CSE1L: variants seen among roughly 807,000 people sequenced by gnomAD.
CSE1L encodes chromosome segregation 1 like.
In CSE1L, 24 loss-of-function variants were observed where a neutral mutation model predicts 120.4. The observed-to-expected ratio is 0.20, with a 90% CI of 0.14 to 0.28. The LOEUF (loss-of-function observed/expected upper bound fraction) is 0.28, where lower values mean the gene tolerates loss of function less well. Among genes scored for constraint, CSE1L ranks in the 10% least tolerant of loss-of-function variants. The pLI is 1.00. For missense variants in CSE1L, 830 were observed against 1,145.2 expected (o/e 0.72, Z 3.97); for synonymous variants, 402 against 398.3 (o/e 1.01, Z -0.11).
chr20:49,047,552 C>CTTTTTTTT (rs1230411564), intron 1 of CSE1L, among the ~76,000 whole-genome samples: 4 of 89,802 alleles, frequency 4.5e-5, no homozygotes, highest in African/African-American at 1.9e-4. Context: ...TTTTCTTTTT[C>CTTTTTTTT]TTTTCTCTTT....
chr20:49,056,825 A>G (rs1158573993), intron 1 of CSE1L, among the ~76,000 whole-genome samples: 1 of 151,414 alleles, frequency 6.6e-6, no homozygotes, highest in Non-Finnish European at 1.5e-5. Flanking sequence ...AAATCAAGCT[A>G]ATTAACATAT....
intron 1 of CSE1L, among the ~76,000 whole-genome samples, chr20:49,047,559 CTTTTCTTTTTTT>C (rs2091726527): frequency 3.3e-5 from 2 of 61,088 alleles, no homozygotes; most frequent in African/African-American, 1.3e-4. Context: ...TTTCTTTTCT[CTTTTCTTTTTTT>C]TTTTTTTTTT....
At chr20:49,090,151 G>A (rs946117560) in intron 19 of CSE1L, among the ~76,000 whole-genome samples, 5 of 151,728 alleles carry the variant, frequency 3.3e-5, no homozygotes, top group South Asian at 2.1e-4. Flanking sequence ...TAATAATAAC[G>A]GAAATAATTA....
intron 2 of CSE1L, among the ~76,000 whole-genome samples, chr20:49,061,901 A>G (rs1210131724): frequency 6.6e-6 from 1 of 152,162 alleles, no homozygotes; most frequent in East Asian, 1.9e-4. Flanking sequence ...GAAGTTAGGA[A>G]CATAGCATTT....
At chr20:49,074,650 T>C in intron 10 of CSE1L, 135 bp from the exon 11 acceptor site, 1 of 581,360 alleles carries the variant, frequency 1.7e-6, no homozygotes, top group Non-Finnish European at 3.0e-6. Flanking sequence ...ATTAAGAGTA[T>C]ATGAAGTAGT....
chr20:49,063,027 A>G (rs1477065547), intron 2 of CSE1L, among the ~76,000 whole-genome samples, 175 bp from the exon 3 acceptor site: 1 of 151,870 alleles, frequency 6.6e-6, no homozygotes, highest in African/African-American at 2.4e-5. Context: ...AGCATTATAT[A>G]AGTTTAATGT....
At position 49,050,706 on chromosome 20, in the gene CSE1L, C is replaced by T. The variant is rs547244923; in HGVS notation, c.-12+4283C>T. Among the ~76,000 whole-genome samples the T allele has an allele frequency of 5.3e-5, 8 of 151,944 alleles. No homozygotes were observed. The South Asian group carries it at 1.2e-3, about 24-fold the overall frequency. ...GATTACAGACGTAAGCCACCGCGCCCGGCCTGAGCCCAGCTAATTTTTAAA... is the reference window on the plus strand; with the variant it reads ...GATTACAGACGTAAGCCACCGCGCCTGGCCTGAGCCCAGCTAATTTTTAAA... On this transcript the variant is annotated intron_variant, in intron 1 of 24. Transcript: ENST00000262982.
At chr20:49,074,528 A>G (rs758020355) in intron 10 of CSE1L, among the ~76,000 whole-genome samples, 6 of 152,204 alleles carry the variant, frequency 3.9e-5, no homozygotes, top group Non-Finnish European at 5.9e-5. Flanking sequence ...AGTTGCAGGT[A>G]TAATCCAATT....
intron 24 of CSE1L, 141 bp from the exon 25 acceptor site, chr20:49,096,206 GTT>G (rs2092139254): frequency 1.4e-6 from 1 of 729,534 alleles, no homozygotes; most frequent in African/African-American, 1.7e-5. Context: ...AAGCAGTTGA[GTT>G]TCTGGAGAAT....
intron 22 of CSE1L, 59 bp downstream of exon 22, chr20:49,092,186 C>A: frequency 2.3e-6 from 2 of 883,536 alleles, no homozygotes; most frequent in South Asian, 1.6e-5. Flanking sequence ...TTTTTTAGTA[C>A]AAATCAGTAT....
At chr20:49,085,818 G>A (rs1234307806) in intron 16 of CSE1L, among the ~76,000 whole-genome samples, 2 of 151,856 alleles carry the variant, frequency 1.3e-5, no homozygotes, top group East Asian at 1.9e-4. Context: ...ATATCTGCCC[G>A]CCTCAGCCTC....
intron 3 of CSE1L, among the ~76,000 whole-genome samples, chr20:49,065,841 G>T (rs2091888413): frequency 1.3e-5 from 2 of 152,048 alleles, no homozygotes; most frequent in Admixed American, 1.3e-4. Context: ...TGATCCACCT[G>T]CCTTGGCCTC....
chr20:49,062,066 C>T (rs2091857486), intron 2 of CSE1L, among the ~76,000 whole-genome samples: 1 of 152,160 alleles, frequency 6.6e-6, no homozygotes, highest in African/African-American at 2.4e-5. Context: ...ATATTGATTA[C>T]AATTTAGGAA....
chr20:49,058,660 C>T lies in CSE1L; in HGVS notation c.85+112C>T, dbSNP rs55727893. On this transcript the variant is annotated intron_variant, in intron 2 of 24. Coordinates refer to ENST00000262982, the MANE Select transcript of CSE1L (RefSeq NM_001316.4). Reference sequence around the variant, plus strand: ...ATTTTAAAAAATTCATACTTGGGTTCTCAAGCGTAGTTTATAAGTGTTACA... The same window carrying T: ...ATTTTAAAAAATTCATACTTGGGTTTTCAAGCGTAGTTTATAAGTGTTACA... The T allele has an allele frequency of 1.0e-2, 7,578 of 757,948 alleles. 66 individuals carry two copies. Among genetic ancestry groups the T allele is most frequent in the Middle Eastern group, 0.013 (39 of 2,986 alleles). The allele number at this position is 757,948 out of a possible 1,614,324, so 47.0% of individuals were successfully genotyped here.
In CSE1L at chr20:49,063,360, A is replaced by C; in HGVS notation, c.228+16A>C. ...CTGGAGAATTGTAAGTATTTTGTGA[A>C]TACATAATTTAATACCCTGTATGTT... On this transcript the variant is annotated intron_variant, in intron 3 of 24. Transcript: ENST00000262982. The C allele has an allele frequency of 7.0e-7, 1 of 1,423,802 alleles. No homozygotes were observed. Among genetic ancestry groups the C allele is most frequent in the Non-Finnish European group, 9.6e-7 (1 of 1,046,354 alleles). The allele number at this position is 1,423,802 out of a possible 1,614,324, so 88.2% of individuals were successfully genotyped here.
At chr20:49,069,771 G>A (rs2091918820) in intron 7 of CSE1L, among the ~76,000 whole-genome samples, 1 of 152,136 alleles carries the variant, frequency 6.6e-6, no homozygotes, top group African/African-American at 2.4e-5. Context: ...CTACCCTCAG[G>A]GGACTTGTAC....
In CSE1L at chr20:49,067,260, C is replaced by T. The variant is rs918287482; in HGVS notation, c.547C>T (p.Pro183Ser). The T allele has an allele frequency of 1.9e-6, 3 of 1,607,770 alleles. No homozygotes were observed. The African/African-American group carries it at 4.0e-5, about 22-fold the overall frequency. Residue 183 changes from proline to serine, a missense_variant, in exon 6 of 25, where the codon CCT becomes TCT. This residue lies in a region of CSE1L where 543 missense variants were observed against 640.2 expected (regional missense o/e 0.85). Coordinates refer to ENST00000262982, the MANE Select transcript of CSE1L (RefSeq NM_001316.4). ...GCTTGTTCTGGATGCCTTTGCTTTG[C>T]CTTTGACTAATCTTTTTAAGGTATG... is the stretch of plus-strand genomic sequence containing the variant. Reference protein sequence around the residue: ...IKLVLDAFALPLTNLFKATIE... With the variant: ...IKLVLDAFALSLTNLFKATIE...
intron 24 of CSE1L, among the ~76,000 whole-genome samples, chr20:49,095,869 CAT>C (rs1045790552): frequency 8.5e-5 from 13 of 152,186 alleles, no homozygotes; most frequent in South Asian, 2.1e-4. Flanking sequence ...TCTTAAAAAA[CAT>C]ATATGTGTGT....
At chr20:49,053,090 G>A (rs971692992) in intron 1 of CSE1L, among the ~76,000 whole-genome samples, 3 of 149,894 alleles carry the variant, frequency 2.0e-5, no homozygotes, top group African/African-American at 7.3e-5. Context: ...CAGGAGGATT[G>A]TTTGAGCTCA....
Sources: allele counts gnomAD v4.1 joint callset (sites outside exome capture counted in the v4.1 genomes callset), GRCh38; gene constraint gnomAD v4.1.1; regional missense constraint gnomAD v4.1.1; transcripts MANE v1.5; gene names NCBI Gene and HGNC (gene_info 2026-07-23, HGNC 2026-07-21).